The following FN1 variants were observed in gnomAD, a reference collection of about 807,000 sequenced individuals.
The protein encoded by FN1 is fibronectin 1, also known as fibronectin.
Under a neutral mutation model 297.3 loss-of-function variants are expected in FN1, and 106 were observed. The observed-to-expected ratio is 0.36, with a 90% CI of 0.30 to 0.42. The LOEUF (loss-of-function observed/expected upper bound fraction) is 0.42. Among genes scored for constraint, FN1 ranks in the 10% least tolerant of loss-of-function variants. The pLI is 1.00. For missense variants in FN1, 2,690 were observed against 3,124.9 expected (o/e 0.86, Z 3.32); for synonymous variants, 1,149 against 1,152.6 (o/e 1.00, Z 0.06).
At chr2:215,419,149 AC>A in intron 12 of FN1, 92 bp downstream of exon 12, 1 of 1,049,132 alleles carries the variant, frequency 9.5e-7, no homozygotes, top group South Asian at 1.3e-5. Context: ...AAGAGGGGAG[AC>A]CCCCAACTTA....
At chr2:215,431,427 CAG>C (rs1176094729) in intron 4 of FN1, among the ~76,000 whole-genome samples, 9 of 152,258 alleles carry the variant, frequency 5.9e-5, no homozygotes, top group African/African-American at 2.2e-4. Flanking sequence ...AAGAAATGAG[CAG>C]AGTGTGACAA....
At chr2:215,410,179 A>T in intron 13 of FN1, 65 bp from the exon 14 acceptor site, 1 of 1,479,562 alleles carries the variant, frequency 6.8e-7, no homozygotes, top group Non-Finnish European at 9.3e-7. Context: ...ACATTTGAAG[A>T]TGATGTTCAG....
chr2:215,383,302 C>T (rs1393057175), intron 31 of FN1, 26 bp downstream of exon 31: 2 of 1,613,686 alleles, frequency 1.2e-6, no homozygotes, highest in East Asian at 4.5e-5. Flanking sequence ...GCCACCGCAC[C>T]TGGCCGAGAT....
rs1479219536 is a variant in FN1 at position 215,397,596 on chromosome 2, G to A, written c.3517+84C>T. Reference sequence around the variant, plus strand: ...TATCTCCCCTGTGCCATTCTCATAAGTAAAAAGTGATATTGACACTAGCTT... The same window carrying A: ...TATCTCCCCTGTGCCATTCTCATAAATAAAAAGTGATATTGACACTAGCTT... On this transcript the variant is annotated intron_variant, in intron 22 of 45. Transcript: ENST00000354785. The A allele has an allele frequency of 2.6e-6, 3 of 1,151,658 alleles. No homozygotes were observed. The African/African-American group carries it at 4.5e-5, about 17-fold the overall frequency. The allele number at this position is 1,151,658 out of a possible 1,614,324, so 71.3% of individuals were successfully genotyped here.
At chr2:215,361,861 GTTT>G in intron 45 of FN1, 105 bp downstream of exon 45, 1 of 1,132,534 alleles carries the variant, frequency 8.8e-7, no homozygotes, top group Non-Finnish European at 1.2e-6. Context: ...TTTATGAGTT[GTTT>G]TTTTTTTTAA....
chr2:215,425,269 G>A lies in FN1; in HGVS notation c.861C>T (p.Thr287=), dbSNP rs775380908. The A allele has an allele frequency of 2.7e-5, 44 of 1,614,106 alleles. No homozygotes were observed. In the East Asian group the frequency reaches 3.8e-4, roughly 14 times the overall value. Residue 287 remains threonine, a synonymous_variant, in exon 7 of 46, where the codon ACC becomes ACT. Transcript: ENST00000354785. ...QTTSSGSGPF[T]DVRAAVYQPQ... The stretch of plus-strand genomic sequence containing the variant: ...GTTGGTAAACAGCTGCACGAACATC[G>A]GTGAAGGGGCCAGATCCTAATGGCA...
intron 44 of FN1, among the ~76,000 whole-genome samples, chr2:215,364,060 C>CT (rs1181185125): frequency 2.6e-5 from 4 of 152,204 alleles, no homozygotes; most frequent in Admixed American, 2.0e-4. Context: ...CCAGTTCATG[C>CT]TTCTCTTTCT....
chr2:215,378,553 T>C (rs2057716599), intron 34 of FN1, among the ~76,000 whole-genome samples: 1 of 152,174 alleles, frequency 6.6e-6, no homozygotes, highest in African/African-American at 2.4e-5. Context: ...TATTTTTCTT[T>C]TTTATGATCT....
At position 215,368,161 on chromosome 2, in the gene FN1, C is replaced by G. The variant is rs1049383566; in HGVS notation, c.6854-134G>C. 18 of 981,544 alleles carry G rather than the reference C, an allele frequency of 1.8e-5. No individual in the cohort carries two copies. The African/African-American group carries it at 2.6e-4, about 14-fold the overall frequency. 60.8% of individuals were successfully genotyped at this position (981,544 alleles called of 1,614,324 possible). A position where few individuals can be genotyped will look rare whatever the true frequency, so the allele number is the denominator to read the frequency against. Reference sequence around the variant, plus strand: ...TCCAGGAGGATTAAGAGGCATTCATCTGTTCTATCAAGGCATTAACTGCTC... The same window carrying G: ...TCCAGGAGGATTAAGAGGCATTCATGTGTTCTATCAAGGCATTAACTGCTC... On this transcript the variant is annotated intron_variant, in intron 41 of 45. Coordinates refer to ENST00000354785, the MANE Select transcript of FN1 (RefSeq NM_212482.4).
At chr2:215,361,661 G>T in intron 45 of FN1, 35 bp from the exon 46 acceptor site, 1 of 1,472,558 alleles carries the variant, frequency 6.8e-7, no homozygotes, top group Non-Finnish European at 9.5e-7. Context: ...AAAATTAGTG[G>T]CAAATACTGT....
chr2:215,404,474 CAG>C lies in FN1; in HGVS notation c.3166_3167del (p.Leu1056AlafsTer5). The C allele has an allele frequency of 6.2e-7, 1 of 1,614,096 alleles. No homozygotes were observed. The highest frequency in any genetic ancestry group is 8.5e-7 in the Non-Finnish European group (1 of 1,179,994). On this transcript the variant is annotated frameshift_variant, in exon 20 of 46. Coordinates refer to ENST00000354785, the MANE Select transcript of FN1 (RefSeq NM_212482.4). LOFTEE classifies it high-confidence loss of function. ...PSVSKYPLRN[L>X]QPASEYTVSL... ...ATACGGTGTACTCAGATGCAGGCTG[CAG>C]ATTCCTCAGTGGGTACTTGGAGACA... is the stretch of plus-strand genomic sequence containing the variant.
chr2:215,396,202 A>G (rs1047910513), intron 23 of FN1, among the ~76,000 whole-genome samples: 4 of 152,200 alleles, frequency 2.6e-5, no homozygotes, highest in Non-Finnish European at 5.9e-5. Flanking sequence ...AATAACCTAA[A>G]CATATCCCTT....
intron 20 of FN1, among the ~76,000 whole-genome samples, chr2:215,402,417 T>C (rs2061273353): frequency 6.6e-6 from 1 of 152,226 alleles, no homozygotes; most frequent in African/African-American, 2.4e-5. Context: ...AGCTGAATTT[T>C]CCCCAGAAAC....
At position 215,367,964 on chromosome 2, in the gene FN1, T is replaced by C; in HGVS notation, c.6917A>G (p.Tyr2306Cys). The change falls in exon 42 of 46, where the codon TAT becomes TGT. Residue 2306 changes from tyrosine (Y) to cysteine (C), a missense_variant. Around this residue, in one of 3 missense-constraint regions of FN1, gnomAD observed 1,743 missense variants for 1,945.2 expected, o/e 0.90. Coordinates refer to ENST00000354785, the MANE Select transcript of FN1 (RefSeq NM_212482.4). ...SCFDPYTVSH[Y>C]AVGDEWERMS... ...TCGTTCCCACTCATCTCCAACGGCA[T>C]AATGGGAAACTGTGTAGGGGTCAAA... is the stretch of plus-strand genomic sequence containing the variant. 1 of 1,614,122 alleles carries C rather than the reference T, an allele frequency of 6.2e-7. No homozygotes were observed. The highest frequency in any genetic ancestry group is 2.2e-5 in the East Asian group (1 of 44,882).
intron 6 of FN1, among the ~76,000 whole-genome samples, chr2:215,427,355 G>A (rs757384223): frequency 7.2e-5 from 11 of 152,100 alleles, no homozygotes; most frequent in Non-Finnish European, 1.3e-4. Flanking sequence ...GAGACACTAC[G>A]TAATGATGTT....
At chr2:215,397,960 AGT>A in intron 21 of FN1, 112 bp from the exon 22 acceptor site, 1 of 924,378 alleles carries the variant, frequency 1.1e-6, no homozygotes, top group Non-Finnish European at 1.7e-6. Context: ...GAAACTGCAC[AGT>A]GTACTTTTAT....
chr2:215,399,477 A>G, intron 20 of FN1, 126 bp from the exon 21 acceptor site: 1 of 696,464 alleles, frequency 1.4e-6, no homozygotes, highest in Non-Finnish European at 2.6e-6. Context: ...GATGTAACAT[A>G]TTTTTTCATT....
intron 6 of FN1, among the ~76,000 whole-genome samples, chr2:215,427,856 G>A (rs761456574): frequency 2.6e-5 from 4 of 151,836 alleles, no homozygotes; most frequent in African/African-American, 4.8e-5. Context: ...TTCAAAATAC[G>A]TGTGTGTGTG....
chr2:215,368,359 A>C (rs1475328871), intron 41 of FN1, among the ~76,000 whole-genome samples: 2 of 152,210 alleles, frequency 1.3e-5, no homozygotes, highest in Non-Finnish European at 2.9e-5. Flanking sequence ...GGATGCAAAG[A>C]CTAATGATGC....
Sources: gnomAD v4.1 joint callset for allele counts (sites outside exome capture counted in the v4.1 genomes callset) on GRCh38, gnomAD v4.1.1 for gene constraint, gnomAD v4.1.1 regional missense constraint, MANE v1.5 for transcripts, NCBI Gene and HGNC (gene_info 2026-07-23, HGNC 2026-07-21) for gene names.